Variants in EPS15 observed in about 807,000 individuals in gnomAD.
EPS15 encodes epidermal growth factor receptor substrate 15.
In EPS15, 72 loss-of-function variants were observed where a neutral mutation model predicts 113.8. That is an observed-to-expected ratio of 0.63 (90% confidence interval 0.52 to 0.77). The LOEUF is 0.77. Ranked by LOEUF, EPS15 falls within the 30% of genes least tolerant of loss-of-function variation. EPS15 has a pLI of 0.00. For missense variants in EPS15, 1,048 were observed against 1,045.8 expected (o/e 1.00, Z -0.03); for synonymous variants, 344 against 363.4 (o/e 0.95, Z 0.61).
At chr1:51,442,143 T>C (rs920598568) in intron 11 of EPS15, among the ~76,000 whole-genome samples, 1 of 152,140 alleles carries the variant, frequency 6.6e-6, no homozygotes. Context: ...TTAAATTAGA[T>C]ATTTTAAAGT....
At chr1:51,384,631 C>G (rs1647021530) in intron 21 of EPS15, among the ~76,000 whole-genome samples, 1 of 151,928 alleles carries the variant, frequency 6.6e-6, no homozygotes, top group East Asian at 1.9e-4. Context: ...AGCCACTGTG[C>G]CCAGCCCAAA....
intron 21 of EPS15, among the ~76,000 whole-genome samples, chr1:51,371,637 A>T (rs1305922991): frequency 6.6e-6 from 1 of 152,204 alleles, no homozygotes; most frequent in African/African-American, 2.4e-5. Context: ...AAGTTCAAAA[A>T]TTTTTTAAAG....
At chr1:51,409,440 A>G in intron 14 of EPS15, 95 bp downstream of exon 14, 1 of 1,203,912 alleles carries the variant, frequency 8.3e-7, no homozygotes, top group Non-Finnish European at 1.2e-6. Context: ...GCCAACCACC[A>G]CCATCAATAA....
At chr1:51,451,490 C>CAAAAAAAAAA (rs56091976) in intron 8 of EPS15, among the ~76,000 whole-genome samples, 1 of 50,774 alleles carries the variant, frequency 2.0e-5, no homozygotes, top group Non-Finnish European at 3.8e-5. Context: ...GACTCCATCT[C>CAAAAAAAAAA]AAAAAAAAAA....
At chr1:51,426,812 A>C (rs1390137031) in intron 12 of EPS15, among the ~76,000 whole-genome samples, 1 of 136,216 alleles carries the variant, frequency 7.3e-6, no homozygotes, top group Non-Finnish European at 1.6e-5. Flanking sequence ...TCTTAAAATA[A>C]ATCTGTCTCT....
intron 1 of EPS15, among the ~76,000 whole-genome samples, chr1:51,512,328 C>A (rs1416720601): frequency 2.0e-5 from 3 of 152,176 alleles, no homozygotes; most frequent in Admixed American, 2.0e-4. Context: ...CCCAAGATCA[C>A]AGAACTACTC....
Position 51,354,566 on chromosome 1 carries a change from T to C in EPS15, c.*2134A>G. ...TAGAAGACATTTAAAACTTTGTAAG[T>C]AGTGCCACTTAGCTCTGGGCAATAC... On this transcript the variant is annotated 3_prime_UTR_variant, in exon 25 of 25. Transcript: ENST00000371733. 1 of 189,352 alleles carries C rather than the reference T, an allele frequency of 5.3e-6. No individual in the cohort carries two copies. The highest frequency in any genetic ancestry group is 1.1e-5 in the Non-Finnish European group (1 of 89,938). 11.7% of individuals were successfully genotyped at this position (189,352 alleles called of 1,614,324 possible). A position where few individuals can be genotyped will look rare whatever the true frequency, so the allele number is the denominator to read the frequency against.
chr1:51,386,078 C>T (rs1647062368), intron 21 of EPS15, among the ~76,000 whole-genome samples: 1 of 152,128 alleles, frequency 6.6e-6, no homozygotes, highest in African/African-American at 2.4e-5. Context: ...AACTACTTAT[C>T]ATAACAAAAT....
At chr1:51,507,946 G>A (rs1454794550) in intron 1 of EPS15, among the ~76,000 whole-genome samples, 1 of 151,932 alleles carries the variant, frequency 6.6e-6, no homozygotes, top group Non-Finnish European at 1.5e-5. Context: ...GGGAGGCCGA[G>A]GCAGGTGGAT....
chr1:51,399,505 T>C (rs55851122), intron 19 of EPS15, among the ~76,000 whole-genome samples: 8,040 of 149,052 alleles, frequency 0.054, 690 homozygotes, highest in African/African-American at 0.18. Flanking sequence ...TGAGCAAAGA[T>C]CTGCCACTGC....
At chr1:51,446,515 G>A (rs574571595) in intron 10 of EPS15, among the ~76,000 whole-genome samples, 123 of 148,712 alleles carry the variant, frequency 8.3e-4, no homozygotes, top group Non-Finnish European at 1.5e-3. Context: ...GTGCAATGGC[G>A]TGATCTCAGC....
intron 13 of EPS15, among the ~76,000 whole-genome samples, chr1:51,413,422 C>T (rs1310871168): frequency 6.6e-6 from 1 of 152,150 alleles, no homozygotes; most frequent in Non-Finnish European, 1.5e-5. Context: ...CTAGCACATT[C>T]CAGGGGCTTA....
In EPS15 at chr1:51,356,634, A is replaced by C; in HGVS notation, c.*66T>G. The C allele has an allele frequency of 7.1e-7, 1 of 1,410,534 alleles. No homozygotes were observed. The highest frequency in any genetic ancestry group is 9.8e-7 in the Non-Finnish European group (1 of 1,023,782). The allele number at this position is 1,410,534 out of a possible 1,614,324, so 87.4% of individuals were successfully genotyped here. On this transcript the variant is annotated 3_prime_UTR_variant, in exon 25 of 25. Transcript: ENST00000371733. ...ATGCTCACAGGTAGTTTTGATACAC[A>C]TTGTAAATAGTTTCAGTATTCAGGA...
chr1:51,366,177 C>T lies in EPS15; in HGVS notation c.2120-148G>A, dbSNP rs192642102. On this transcript the variant is annotated intron_variant, in intron 21 of 24. Transcript: ENST00000371733. ...CAATCTCCCAGGCTCAAGTGATCCT[C>T]CCACCTCAGCCTCCTGAGTAGCTGG... 31 of 565,436 alleles carry T rather than the reference C, an allele frequency of 5.5e-5. No homozygotes were observed. The East Asian group carries it at 9.1e-4, about 17-fold the overall frequency. 35.0% of individuals were successfully genotyped at this position (565,436 alleles called of 1,614,324 possible). A position where few individuals can be genotyped will look rare whatever the true frequency, so the allele number is the denominator to read the frequency against.
In EPS15 at chr1:51,495,497, T is replaced by C. The variant is rs114414493; in HGVS notation, c.34-14183A>G. Among the ~76,000 whole-genome samples, 845 of 152,100 alleles carry C rather than the reference T, an allele frequency of 5.6e-3. 4 individuals are homozygous for C. Among genetic ancestry groups the C allele is most frequent in the African/African-American group, 0.018 (766 of 41,550 alleles). ...TAGAAATCTTTGGTGTTTTAATTCT[T>C]TTTATACTATAGACCTAACATTTTA... On this transcript the variant is annotated intron_variant, in intron 1 of 24. Coordinates refer to ENST00000371733, the MANE Select transcript of EPS15 (RefSeq NM_001981.3).
At position 51,409,642 on chromosome 1, in the gene EPS15, G is replaced by T. The variant is rs372414031; in HGVS notation, c.1168C>A (p.Gln390Lys). 63 of 1,613,232 alleles carry T rather than the reference G, an allele frequency of 3.9e-5. No homozygotes were observed. Among genetic ancestry groups the T allele is most frequent in the Admixed American group, 5.0e-5 (3 of 59,882 alleles). Reference sequence around the variant, plus strand: ...AGGAGTTCCTGTACCTGCTGTTTCTGGGCCTGTAGTTTTTGCAGATTAGTA... The same window carrying T: ...AGGAGTTCCTGTACCTGCTGTTTCTTGGCCTGTAGTTTTTGCAGATTAGTA... ...ENTNLQKLQA[Q>K]KQQVQELLDE... The change falls in exon 14 of 25, where the codon CAG becomes AAG. Residue 390 changes from glutamine (Q) to lysine (K), a missense_variant. Gln to Lys is a moderately conservative substitution (Grantham distance 53). Transcript: ENST00000371733.
intron 1 of EPS15, among the ~76,000 whole-genome samples, chr1:51,489,958 A>G (rs1644201247): frequency 6.6e-6 from 1 of 151,934 alleles, no homozygotes; most frequent in Admixed American, 6.6e-5. Context: ...AAACAAATAA[A>G]CCCTTCTTAT....
intron 1 of EPS15, among the ~76,000 whole-genome samples, chr1:51,517,776 A>G (rs1322163386): frequency 6.6e-6 from 1 of 152,200 alleles, no homozygotes; most frequent in Non-Finnish European, 1.5e-5. Flanking sequence ...ACCATCAAAA[A>G]AACTGGGAAA....
intron 13 of EPS15, among the ~76,000 whole-genome samples, chr1:51,413,388 A>G (rs1649922121): frequency 6.6e-6 from 1 of 152,174 alleles, no homozygotes; most frequent in Non-Finnish European, 1.5e-5. Flanking sequence ...TCTTTCTTTG[A>G]TTATCCAAAA....
Sources: gnomAD v4.1 joint callset for allele counts (sites outside exome capture counted in the v4.1 genomes callset) on GRCh38, gnomAD v4.1.1 for gene constraint, MANE v1.5 for transcripts, NCBI Gene and HGNC (gene_info 2026-07-23, HGNC 2026-07-21) for gene names.